The following CADPS variants were observed in gnomAD, a reference collection of about 807,000 sequenced individuals.
CADPS encodes the protein calcium-dependent secretion activator 1.
CADPS carries 57 observed loss-of-function variants against 167.3 expected under a neutral mutation model. The observed-to-expected ratio is 0.34, with a 90% confidence interval of 0.28 to 0.42. The LOEUF is 0.42. Among genes scored for constraint, CADPS ranks in the 20% least tolerant of loss-of-function variants. The pLI is 1.00. For missense variants in CADPS, 1,414 were observed against 1,738.1 expected, an observed-to-expected ratio of 0.81 and a Z score of 3.32; for synonymous variants, 676 against 635.3, an observed-to-expected ratio of 1.06 and a Z score of -0.96.
chr3:62,704,356 A>G (rs950785067), intron 3 of CADPS, among the ~76,000 whole-genome samples: 1 of 152,124 alleles, frequency 6.6e-6, no homozygotes, highest in African/African-American at 2.4e-5. Flanking sequence ...GGTAAATTAT[A>G]GCTGTGAGAT....
chr3:62,791,009 A>C (rs2092891049), intron 1 of CADPS, among the ~76,000 whole-genome samples: 2 of 151,764 alleles, frequency 1.3e-5, no homozygotes, highest in Non-Finnish European at 1.5e-5. Flanking sequence ...TAAAAAAAAA[A>C]ATACGTATTT....
At chr3:62,457,346 C>G (rs566582080) in intron 26 of CADPS, among the ~76,000 whole-genome samples, 1 of 152,174 alleles carries the variant, frequency 6.6e-6, no homozygotes, top group Non-Finnish European at 1.5e-5. Flanking sequence ...AATAAGAAAC[C>G]CCAGTGCACA....
At chr3:62,403,466 A>G (rs959566953) in intron 28 of CADPS, 1 of 229,018 alleles carries the variant, frequency 4.4e-6, no homozygotes. Context: ...CAATTCATAC[A>G]GACCATCTTT....
At chr3:62,538,508 G>C (rs1224760768) in intron 11 of CADPS, among the ~76,000 whole-genome samples, 2 of 152,068 alleles carry the variant, frequency 1.3e-5, no homozygotes, top group South Asian at 2.1e-4. Flanking sequence ...TGCTCATGCT[G>C]TTTCATCCTC....
chr3:62,835,628 A>T lies in CADPS; in HGVS notation c.441+38961T>A, dbSNP rs903863661. Among the ~76,000 whole-genome samples, 5 of 152,266 alleles carry T rather than the reference A, an allele frequency of 3.3e-5. No individual in the cohort carries two copies. The East Asian group carries it at 9.7e-4, about 29-fold the overall frequency. ...GCTGTCTTATTATGAGAGAGAGAGCAGCTACATGAACCTCAAAGAGGGGAC... is the reference window on the plus strand; with the variant it reads ...GCTGTCTTATTATGAGAGAGAGAGCTGCTACATGAACCTCAAAGAGGGGAC... On this transcript the variant is annotated intron_variant, in intron 1 of 29. Transcript: ENST00000383710.
chr3:62,860,473 CAA>C (rs1310623843), intron 1 of CADPS, among the ~76,000 whole-genome samples: 2 of 152,132 alleles, frequency 1.3e-5, no homozygotes, highest in African/African-American at 4.8e-5. Flanking sequence ...TGCATATGCT[CAA>C]GTCTCACCGT....
At position 62,403,064 on chromosome 3, in the gene CADPS, A is replaced by G. The variant is rs1187256623; in HGVS notation, c.3882+17T>C. On this transcript the variant is annotated intron_variant, in intron 29 of 29. Transcript: ENST00000383710. ...AGTAAGCTATTTGCAAAGAAGAATA[A>G]TAATCTTTTCTTTTACCTTTACCAT... 2 of 1,476,216 alleles carry G rather than the reference A, an allele frequency of 1.4e-6. No homozygotes were observed. The highest frequency in any genetic ancestry group is 4.5e-5 in the East Asian group (2 of 44,120). The allele number at this position is 1,476,216 out of a possible 1,614,324, so 91.4% of individuals were successfully genotyped here.
chr3:62,547,644 C>A (rs1451139692), intron 11 of CADPS, among the ~76,000 whole-genome samples: 1 of 125,972 alleles, frequency 7.9e-6, no homozygotes, highest in Non-Finnish European at 1.6e-5. Context: ...CTCCATTTAA[C>A]AAAAGTTCCT....
At chr3:62,477,812 C>A (rs2061512127) in intron 23 of CADPS, among the ~76,000 whole-genome samples, 1 of 152,152 alleles carries the variant, frequency 6.6e-6, no homozygotes, top group Non-Finnish European at 1.5e-5. Flanking sequence ...GATGCTAAGG[C>A]CCTATCCACA....
In CADPS at chr3:62,511,399, G is replaced by GT. The variant is rs1413654528; in HGVS notation, c.2599+1351dup. Among the ~76,000 whole-genome samples the GT allele has an allele frequency of 3.3e-5, 5 of 152,162 alleles. No individual in the cohort carries two copies. The East Asian group carries it at 9.7e-4, about 29-fold the overall frequency. On this transcript the variant is annotated intron_variant, in intron 17 of 29. Coordinates refer to ENST00000383710, the MANE Select transcript of CADPS (RefSeq NM_003716.4). ...ATACCACTTATACTTCTGGATGTGT[G>GT]TTTTTTTAAGTTCTGTGCCTCCGTT... is the stretch of plus-strand genomic sequence containing the variant.
At chr3:62,830,257 T>A (rs1460892953) in intron 1 of CADPS, among the ~76,000 whole-genome samples, 2 of 152,074 alleles carry the variant, frequency 1.3e-5, no homozygotes, top group African/African-American at 4.8e-5. Context: ...ATTCTCCCCC[T>A]CCCCTAGCCC....
intron 15 of CADPS, among the ~76,000 whole-genome samples, 172 bp from the exon 16 acceptor site, chr3:62,516,354 T>G (rs1345143394): frequency 1.3e-5 from 2 of 152,162 alleles, no homozygotes; most frequent in Non-Finnish European, 2.9e-5. Flanking sequence ...AGGCCGTCCA[T>G]GAGTCAGGGA....
intron 2 of CADPS, among the ~76,000 whole-genome samples, chr3:62,762,152 T>C (rs1259718846): frequency 1.3e-5 from 2 of 152,208 alleles, no homozygotes; most frequent in African/African-American, 2.4e-5. Flanking sequence ...TGATCTTTAC[T>C]ACTCTAGCAT....
At position 62,827,243 on chromosome 3, in the gene CADPS, A is replaced by G. The variant is rs149180493; in HGVS notation, c.441+47346T>C. 4.2e-3 allele frequency among the ~76,000 whole-genome samples: 634 copies of G among 152,278 alleles called. 5 individuals are homozygous for G. The highest frequency in any genetic ancestry group is 0.014 in the African/African-American group (587 of 41,556). On this transcript the variant is annotated intron_variant, in intron 1 of 29. Transcript: ENST00000383710. ...AGAAGTCTGAAAATGGGATGTTTCC[A>G]TTGGTAGTGAAGTGTGAAAAACAAG...
chr3:62,495,086 C>T (rs1028826960), intron 18 of CADPS, among the ~76,000 whole-genome samples: 1 of 152,110 alleles, frequency 6.6e-6, no homozygotes, highest in African/African-American at 2.4e-5. Context: ...TATTTACCAT[C>T]CTTGCATTAA....
chr3:62,778,481 C>T (rs1440302369), intron 1 of CADPS, among the ~76,000 whole-genome samples: 15 of 152,182 alleles, frequency 9.9e-5, no homozygotes, highest in Non-Finnish European at 1.5e-5. Flanking sequence ...TACTTCAGAT[C>T]ACTTCTCTCT....
intron 3 of CADPS, among the ~76,000 whole-genome samples, chr3:62,689,036 C>T (rs748472088): frequency 3.9e-5 from 6 of 152,024 alleles, no homozygotes; most frequent in Non-Finnish European, 8.8e-5. Flanking sequence ...TTTCTTTTCA[C>T]TTCCTTTGTT....
At chr3:62,829,914 A>C (rs932521471) in intron 1 of CADPS, among the ~76,000 whole-genome samples, 1 of 152,168 alleles carries the variant, frequency 6.6e-6, no homozygotes, top group Non-Finnish European at 1.5e-5. Flanking sequence ...TTCAGGACCT[A>C]TCCCTGACCA....
intron 4 of CADPS, 125 bp downstream of exon 4, chr3:62,662,188 TG>T (rs2073401335): frequency 5.0e-6 from 4 of 806,314 alleles, no homozygotes; most frequent in Non-Finnish European, 4.2e-6. Context: ...CCAATGAGGG[TG>T]ATTGTCCTCA....
Sources: gnomAD v4.1 joint callset for allele counts (sites outside exome capture counted in the v4.1 genomes callset) on GRCh38, gnomAD v4.1.1 for gene constraint, MANE v1.5 for transcripts, NCBI Gene and HGNC (gene_info 2026-07-23, HGNC 2026-07-21) for gene names.